Variants in MED13 observed in about 807,000 individuals in gnomAD.
MED13 encodes the protein mediator complex subunit 13.
Under a neutral mutation model 225.2 loss-of-function variants are expected in MED13, and 23 were observed. The observed-to-expected ratio is 0.10, with a 90% confidence interval of 0.07 to 0.14. MED13 has a LOEUF of 0.14. MED13 is among the 10% of genes least tolerant of loss of function. The probability of loss-of-function intolerance (pLI) is 1.00; values close to 1 mark genes in which losing one functional copy is unlikely to be tolerated. For synonymous variants in MED13, 942 were observed against 889.2 expected, an observed-to-expected ratio of 1.06 and a Z score of -1.06; for missense variants, 2,197 against 2,594.5, an observed-to-expected ratio of 0.85 and a Z score of 3.33.
At chr17:61,952,640 A>G (rs1040000465) in intron 27 of MED13, among the ~76,000 whole-genome samples, 3 of 152,216 alleles carry the variant, frequency 2.0e-5, no homozygotes, top group Non-Finnish European at 4.4e-5. Context: ...ATTTCCAAGG[A>G]AAAATAGTAT....
chr17:62,004,897 C>CTT (rs551492644), intron 9 of MED13: 15 of 128,540 alleles, frequency 1.2e-4, no homozygotes, highest in Non-Finnish European at 2.1e-4. Flanking sequence ...ACATCATTTA[C>CTT]TTTTTTTTTT....
At chr17:62,048,887 G>A (rs2080927369) in intron 3 of MED13, among the ~76,000 whole-genome samples, 1 of 151,988 alleles carries the variant, frequency 6.6e-6, no homozygotes, top group African/African-American at 2.4e-5. Flanking sequence ...AAGTCTAAGA[G>A]GGTTGCTAAT....
chr17:62,020,568 A>G (rs563177098), intron 8 of MED13, among the ~76,000 whole-genome samples: 85 of 150,566 alleles, frequency 5.6e-4, no homozygotes, highest in African/African-American at 2.0e-3. Context: ...TTTAGTAGAG[A>G]TGGGGTTTCA....
chr17:62,060,632 G>A (rs1478961042), intron 2 of MED13, among the ~76,000 whole-genome samples: 29 of 140,526 alleles, frequency 2.1e-4, no homozygotes, highest in African/African-American at 7.1e-4. Context: ...GGGACAGAAT[G>A]AGACTCCGTC....
intron 8 of MED13, among the ~76,000 whole-genome samples, chr17:62,011,550 T>A (rs9912291): frequency 0.02 from 3,111 of 152,288 alleles, 103 homozygotes; most frequent in African/African-American, 0.071. Flanking sequence ...AAGATTCTAG[T>A]TAAGGTTAAA....
chr17:62,001,509 C>G (rs1040602754), intron 9 of MED13, among the ~76,000 whole-genome samples: 1 of 152,156 alleles, frequency 6.6e-6, no homozygotes, highest in South Asian at 2.1e-4. Flanking sequence ...TCAATACTTG[C>G]AATAGTCCCT....
Position 61,992,631 on chromosome 17 carries a change from A to T in MED13, c.2182-10T>A. The T allele has an allele frequency of 6.3e-7, 1 of 1,577,342 alleles. No individual in the cohort carries two copies. Among genetic ancestry groups the T allele is most frequent in the Non-Finnish European group, 8.7e-7 (1 of 1,148,178 alleles). ...ATGTCCCATCTTCTACCTGCAAACA[A>T]ATATTTCATGTTAGGCTGAAATATA... On this transcript the variant is annotated splice_polypyrimidine_tract_variant and intron_variant, in intron 10 of 29. Transcript: ENST00000397786.
At chr17:62,039,736 C>T (rs2080837407) in intron 3 of MED13, among the ~76,000 whole-genome samples, 1 of 151,868 alleles carries the variant, frequency 6.6e-6, no homozygotes, top group Non-Finnish European at 1.5e-5. Flanking sequence ...GGATGACAGG[C>T]GCCTGCCACT....
chr17:61,991,966 A>G (rs2080303436), intron 11 of MED13, among the ~76,000 whole-genome samples: 1 of 152,206 alleles, frequency 6.6e-6, no homozygotes, highest in Admixed American at 6.5e-5. Context: ...ATTATAATTT[A>G]AACAATGGAG....
intron 28 of MED13, among the ~76,000 whole-genome samples, chr17:61,948,529 T>C (rs1484991449): frequency 1.3e-5 from 2 of 152,066 alleles, no homozygotes; most frequent in Admixed American, 6.5e-5. Context: ...TTTCAGACTT[T>C]AGTGTGCATA....
intron 8 of MED13, among the ~76,000 whole-genome samples, chr17:62,028,615 T>C (rs765272556): frequency 3.1e-4 from 47 of 151,636 alleles, no homozygotes; most frequent in Non-Finnish European, 4.7e-4. Flanking sequence ...TAAAAAAAGA[T>C]TGTATCATGA....
chr17:61,949,824 T>C lies in MED13; in HGVS notation c.6291+1001A>G, dbSNP rs181319921. ...TGCCTCAGTCTCCCAAATAGCTAAT[T>C]TGCACGTGCCACCACGCCTGGCTAA... On this transcript the variant is annotated intron_variant, in intron 28 of 29. Coordinates refer to ENST00000397786, the MANE Select transcript of MED13 (RefSeq NM_005121.3). Among the ~76,000 whole-genome samples the C allele has an allele frequency of 3.6e-3, 543 of 152,038 alleles. 5 individuals are homozygous for C. Among genetic ancestry groups the C allele is most frequent in the African/African-American group, 0.013 (525 of 41,508 alleles).
At chr17:61,950,790 G>A (rs760452495) in intron 28 of MED13, 35 bp downstream of exon 28, 2 of 1,582,986 alleles carry the variant, frequency 1.3e-6, no homozygotes, top group East Asian at 4.5e-5. Flanking sequence ...CTGTCAATCA[G>A]AATTATTTAG....
intron 2 of MED13, among the ~76,000 whole-genome samples, chr17:62,054,405 T>G: frequency 6.6e-6 from 1 of 152,206 alleles, no homozygotes; most frequent in Non-Finnish European, 1.5e-5. Flanking sequence ...ATTTTTTAAG[T>G]CTAATATTAA....
chr17:61,961,868 T>A, intron 21 of MED13, 89 bp from the exon 22 acceptor site: 1 of 1,212,244 alleles, frequency 8.2e-7, no homozygotes, highest in Non-Finnish European at 1.2e-6. Flanking sequence ...AACTTTTTAC[T>A]AGAAAATTTA....
chr17:62,043,181 A>AAAAAAG (rs2080869578), intron 3 of MED13, among the ~76,000 whole-genome samples: 1 of 134,104 alleles, frequency 7.5e-6, no homozygotes, highest in Admixed American at 7.3e-5. Flanking sequence ...AAAAAAAAAA[A>AAAAAAG]AAAGAAAGAA....
chr17:61,968,621 G>A (rs1278522719), intron 17 of MED13, among the ~76,000 whole-genome samples: 5 of 151,874 alleles, frequency 3.3e-5, no homozygotes, highest in African/African-American at 7.3e-5. Flanking sequence ...CACCATGCCC[G>A]GCCTCCTTTT....
At chr17:61,998,761 G>A (rs781205544) in intron 9 of MED13, among the ~76,000 whole-genome samples, 17 of 151,454 alleles carry the variant, frequency 1.1e-4, no homozygotes, top group Non-Finnish European at 1.9e-4. Context: ...CACCACACTT[G>A]GCTAGTTTTT....
intron 8 of MED13, among the ~76,000 whole-genome samples, chr17:62,019,255 TA>T (rs1018410669): frequency 1.3e-5 from 2 of 152,238 alleles, no homozygotes; most frequent in African/African-American, 4.8e-5. Flanking sequence ...TGCACAACTG[TA>T]AAACAATGCC....
Sources: allele counts gnomAD v4.1 joint callset (sites outside exome capture counted in the v4.1 genomes callset), GRCh38; gene constraint gnomAD v4.1.1; transcripts MANE v1.5; gene names NCBI Gene and HGNC (gene_info 2026-07-23, HGNC 2026-07-21).